Variants in HS3ST4 observed in about 807,000 individuals in gnomAD.
The protein encoded by HS3ST4 is heparan sulfate glucosamine 3-O-sulfotransferase 4.
In HS3ST4, 17 loss-of-function variants were observed where a neutral mutation model predicts 29.2. The ratio of observed to expected loss-of-function variants is 0.58; its 90% CI spans 0.40 to 0.87. The LOEUF (loss-of-function observed/expected upper bound fraction) is 0.87. Among genes scored for constraint, HS3ST4 ranks in the 40% least tolerant of loss-of-function variants. HS3ST4 has a pLI of 0.00. For synonymous variants in HS3ST4, 314 were observed against 285.7 expected (o/e 1.10, Z -1.00); for missense variants, 627 against 634.5 (o/e 0.99, Z 0.13).
At chr16:26,083,233 C>T (rs1477318307) in intron 1 of HS3ST4, among the ~76,000 whole-genome samples, 1 of 152,144 alleles carries the variant, frequency 6.6e-6, no homozygotes, top group Non-Finnish European at 1.5e-5. Flanking sequence ...GGAATGATGC[C>T]TATTATTTCT....
At chr16:25,774,019 A>C (rs563391670) in intron 1 of HS3ST4, among the ~76,000 whole-genome samples, 1 of 152,300 alleles carries the variant, frequency 6.6e-6, no homozygotes, top group South Asian at 2.1e-4. Flanking sequence ...GTTTTCTGGC[A>C]CTTTCTTGTG....
At chr16:25,883,677 G>A (rs1032895644) in intron 1 of HS3ST4, among the ~76,000 whole-genome samples, 4 of 152,230 alleles carry the variant, frequency 2.6e-5, no homozygotes, top group South Asian at 2.1e-4. Flanking sequence ...GTTTACACAG[G>A]AATAAGCTGA....
intron 1 of HS3ST4, among the ~76,000 whole-genome samples, chr16:26,081,610 G>T (rs1465069198): frequency 1.3e-5 from 2 of 152,056 alleles, no homozygotes; most frequent in Non-Finnish European, 2.9e-5. Context: ...CAGGCTCACA[G>T]GATTGACAAT....
At chr16:26,037,161 C>T (rs1162982997) in intron 1 of HS3ST4, among the ~76,000 whole-genome samples, 1 of 152,172 alleles carries the variant, frequency 6.6e-6, no homozygotes, top group Non-Finnish European at 1.5e-5. Context: ...ATGCATGGAG[C>T]ATCCTTGCCT....
At chr16:25,721,604 G>A (rs150152398) in intron 1 of HS3ST4, among the ~76,000 whole-genome samples, 252 of 152,258 alleles carry the variant, frequency 1.7e-3, no homozygotes, top group African/African-American at 4.8e-3. Flanking sequence ...ATGAAAGCCC[G>A]TCAGCGTATT....
At chr16:25,712,492 G>C (rs1966422559) in intron 1 of HS3ST4, among the ~76,000 whole-genome samples, 1 of 152,180 alleles carries the variant, frequency 6.6e-6, no homozygotes. Flanking sequence ...CTGCACTCCA[G>C]CCTGGGAGAC....
chr16:25,829,306 C>A (rs546671676), intron 1 of HS3ST4, among the ~76,000 whole-genome samples: 2 of 152,174 alleles, frequency 1.3e-5, no homozygotes. Flanking sequence ...AGACATTTTG[C>A]CCTAAATGTG....
At chr16:25,811,690 C>T (rs1484723039) in intron 1 of HS3ST4, among the ~76,000 whole-genome samples, 1 of 152,160 alleles carries the variant, frequency 6.6e-6, no homozygotes, top group Non-Finnish European at 1.5e-5. Context: ...GCCTCGGCCT[C>T]CCAAAGTGCT....
chr16:26,128,164 A>T (rs1899370439), intron 1 of HS3ST4, among the ~76,000 whole-genome samples: 1 of 152,088 alleles, frequency 6.6e-6, no homozygotes, highest in South Asian at 2.1e-4. Flanking sequence ...TTTGACACTT[A>T]TCATTCTGTT....
intron 1 of HS3ST4, among the ~76,000 whole-genome samples, chr16:25,755,727 A>G (rs1230188625): frequency 6.6e-6 from 1 of 152,156 alleles, no homozygotes; most frequent in African/African-American, 2.4e-5. Context: ...GCCACACTGC[A>G]CCCATATTTC....
intron 1 of HS3ST4, among the ~76,000 whole-genome samples, chr16:25,742,130 G>T (rs1158467992): frequency 2.6e-5 from 4 of 152,112 alleles, no homozygotes; most frequent in Non-Finnish European, 5.9e-5. Context: ...GGGAATATAT[G>T]TAACTATTCA....
At chr16:25,789,440 TTCCTTCCTTCCTTCC>T (rs1966863848) in intron 1 of HS3ST4, among the ~76,000 whole-genome samples, 1 of 113,300 alleles carries the variant, frequency 8.8e-6, no homozygotes, top group African/African-American at 3.1e-5. Flanking sequence ...CCTTCCTTCC[TTCCTTCCTTCCTTCC>T]TTCCTTCCTT....
rs1219434151 is a variant in HS3ST4, at chr16:25,836,966, G to C, written c.734+143815G>C. Among the ~76,000 whole-genome samples, 3 of 152,282 alleles carry C rather than the reference G, an allele frequency of 2.0e-5. No individual in the cohort carries two copies. The East Asian group carries it at 5.8e-4, about 29-fold the overall frequency. The stretch of plus-strand genomic sequence containing the variant: ...CGTAATGAGAAAGGACATTCAGAGA[G>C]GCATTGTTATGTGGTTTTGTGCTCA... On this transcript the variant is annotated intron_variant, in intron 1 of 1. Transcript: ENST00000331351.
chr16:26,010,743 T>C (rs1045230971), intron 1 of HS3ST4, among the ~76,000 whole-genome samples: 20 of 152,278 alleles, frequency 1.3e-4, no homozygotes, highest in Admixed American at 9.8e-4. Context: ...TTGTGGCGAC[T>C]CAAAGAAGGC....
chr16:25,825,518 A>T (rs971632320), intron 1 of HS3ST4: 1 of 152,278 alleles, frequency 6.6e-6, no homozygotes, highest in African/African-American at 2.4e-5. Context: ...GCCACTGTTC[A>T]TGCTGCTGTG....
chr16:25,701,042 G>T lies in HS3ST4; in HGVS notation c.734+7891G>T, dbSNP rs550505297. Among the ~76,000 whole-genome samples the T allele has an allele frequency of 2.6e-5, 4 of 152,224 alleles. No homozygotes were observed. The South Asian group carries it at 8.3e-4, about 32-fold the overall frequency. ...TGATTGAGAAGTCTGGGGATAACTT[G>T]GTTTCAGGAAAAACTGGATCCAGGG... is the stretch of plus-strand genomic sequence containing the variant. On this transcript the variant is annotated intron_variant, in intron 1 of 1. Transcript: ENST00000331351.
intron 1 of HS3ST4, among the ~76,000 whole-genome samples, chr16:26,128,071 G>T (rs1899368981): frequency 6.6e-6 from 1 of 151,384 alleles, no homozygotes; most frequent in Non-Finnish European, 1.5e-5. Flanking sequence ...TTCATCCTTT[G>T]CTCCTCCTCT....
At chr16:25,717,172 T>G (rs1207115075) in intron 1 of HS3ST4, among the ~76,000 whole-genome samples, 1 of 152,204 alleles carries the variant, frequency 6.6e-6, no homozygotes. Flanking sequence ...GAATCTGTAC[T>G]TTTAATCTCC....
chr16:26,009,384 G>A (rs949356679), intron 1 of HS3ST4, among the ~76,000 whole-genome samples: 5 of 152,174 alleles, frequency 3.3e-5, no homozygotes, highest in African/African-American at 1.2e-4. Context: ...CTAGCCCCTA[G>A]CATTGCTCCT....
Sources: allele counts gnomAD v4.1 joint callset (sites outside exome capture counted in the v4.1 genomes callset), GRCh38; gene constraint gnomAD v4.1.1; transcripts MANE v1.5; gene names NCBI Gene and HGNC (gene_info 2026-07-23, HGNC 2026-07-21).